The following ANK3 variants were observed in gnomAD, a reference collection of about 807,000 sequenced individuals.
ANK3 encodes the protein ankyrin 3.
Under a neutral mutation model 370.9 loss-of-function variants are expected in ANK3, and 57 were observed. The ratio of observed to expected loss-of-function variants is 0.15; its 90% CI spans 0.12 to 0.19. The LOEUF is 0.19. Ranked by LOEUF, ANK3 falls within the 10% of genes least tolerant of loss-of-function variation. The pLI, the probability that ANK3 is intolerant of heterozygous loss-of-function variation, is 1.00. For synonymous variants in ANK3, 1,929 were observed against 1,946.3 expected (o/e 0.99, Z 0.23); for missense variants, 4,439 against 5,302.1 (o/e 0.84, Z 5.06).
intron 24 of ANK3, among the ~76,000 whole-genome samples, chr10:60,137,964 G>A (rs2094426353): frequency 6.6e-6 from 1 of 151,912 alleles, no homozygotes; most frequent in Admixed American, 6.6e-5. Flanking sequence ...TCCTCTTCCT[G>A]TTAATGACAC....
chr10:60,104,357 C>CAAAAAAA (rs747064489), intron 28 of ANK3, among the ~76,000 whole-genome samples: 12 of 53,756 alleles, frequency 2.2e-4, no homozygotes, highest in Admixed American at 3.1e-4. Context: ...GACTCCATCT[C>CAAAAAAA]AAAAAAAAAA....
Position 60,647,683 on chromosome 10 carries a change from A to G in ANK3, c.58-32459T>C, listed in dbSNP as rs535023491. Among the ~76,000 whole-genome samples the G allele has an allele frequency of 3.9e-5, 6 of 152,230 alleles. No individual in the cohort carries two copies. In the East Asian group the frequency reaches 9.6e-4, roughly 24 times the overall value. On this transcript the variant is annotated intron_variant, in intron 1 of 43. Transcript: ENST00000373827. ...ACCTGGAAAAGGGAGGACAAATTCT[A>G]TCTATAATGCTGTTCATAGATATCA...
At chr10:60,210,815 G>A (rs1413070860) in intron 9 of ANK3, among the ~76,000 whole-genome samples, 1 of 152,122 alleles carries the variant, frequency 6.6e-6, no homozygotes, top group Middle Eastern at 3.2e-3. Context: ...TGAAGAGAGA[G>A]GCTGAAACCT....
At chr10:60,057,192 T>A (rs1157866508) in intron 41 of ANK3, among the ~76,000 whole-genome samples, 1 of 152,222 alleles carries the variant, frequency 6.6e-6, no homozygotes, top group Non-Finnish European at 1.5e-5. Context: ...ACTAGTGATT[T>A]GAGGGTTGCA....
chr10:60,597,304 G>A (rs2078001338), intron 2 of ANK3, among the ~76,000 whole-genome samples: 1 of 152,040 alleles, frequency 6.6e-6, no homozygotes. Context: ...CAAATGAGAT[G>A]GGAAGCAAAT....
At chr10:60,143,272 T>A (rs1013234889) in intron 23 of ANK3, among the ~76,000 whole-genome samples, 3 of 152,156 alleles carry the variant, frequency 2.0e-5, no homozygotes, top group Non-Finnish European at 4.4e-5. Flanking sequence ...TTCACACTCC[T>A]TTCAATGAAC....
intron 8 of ANK3, among the ~76,000 whole-genome samples, chr10:60,233,160 C>G (rs2097273719): frequency 1.3e-5 from 2 of 152,202 alleles, no homozygotes; most frequent in East Asian, 3.9e-4. Context: ...GAATTTATTT[C>G]TGCCCTACTT....
rs759985353 is a variant in ANK3, at chr10:60,082,115, T to G, written c.4350+35A>C. The G allele has an allele frequency of 1.0e-5, 16 of 1,560,392 alleles. No individual in the cohort carries two copies. The East Asian group carries it at 3.1e-4, about 31-fold the overall frequency. ...CATACAGATTCAATTTCTATTCTAC[T>G]TCTGATAGAATAAAAGCAGAAGTGT... is the stretch of plus-strand genomic sequence containing the variant. On this transcript the variant is annotated intron_variant, in intron 35 of 43. Coordinates refer to ENST00000280772, the MANE Select transcript of ANK3 (RefSeq NM_020987.5).
intron 1 of ANK3, among the ~76,000 whole-genome samples, chr10:60,379,711 A>G (rs1448598630): frequency 6.6e-6 from 1 of 152,118 alleles, no homozygotes; most frequent in Non-Finnish European, 1.5e-5. Context: ...TAGAGGCTGG[A>G]AAGGTAGGGG....
At chr10:60,337,296 C>T (rs537971969) in intron 1 of ANK3, among the ~76,000 whole-genome samples, 7 of 152,268 alleles carry the variant, frequency 4.6e-5, no homozygotes, top group Middle Eastern at 3.4e-3. Context: ...AGTTCCATGT[C>T]TTCCATGTAG....
intron 7 of ANK3, among the ~76,000 whole-genome samples, chr10:60,243,968 T>G (rs1370403072): frequency 6.6e-6 from 1 of 152,218 alleles, no homozygotes; most frequent in Non-Finnish European, 1.5e-5. Flanking sequence ...TTTAAAATGA[T>G]AGACATATGT....
chr10:60,656,552 G>T lies in ANK3; in HGVS notation c.58-41328C>A, dbSNP rs554720527. On this transcript the variant is annotated intron_variant, in intron 1 of 43. Transcript: ENST00000373827. ...ATTTCCTTCCCTCTGGTTGCTTAGG[G>T]TTTACTTTGTTTTTCCTTTTCTAGT... 5.3e-5 allele frequency among the ~76,000 whole-genome samples: 8 copies of T among 151,970 alleles called. 1 individual carries two copies. Among genetic ancestry groups the T allele is most frequent in the African/African-American group, 1.7e-4 (7 of 41,462 alleles).
chr10:60,303,799 C>A (rs1406665567), intron 1 of ANK3, among the ~76,000 whole-genome samples: 2 of 151,898 alleles, frequency 1.3e-5, no homozygotes, highest in Non-Finnish European at 2.9e-5. Context: ...GTGTTTGGTG[C>A]AGCATTATTC....
chr10:60,218,097 C>CTTTTTTTTTTTT (rs199989242), intron 8 of ANK3, among the ~76,000 whole-genome samples: 17 of 126,136 alleles, frequency 1.3e-4, no homozygotes, highest in African/African-American at 3.2e-4. Context: ...CTTTTTCTTT[C>CTTTTTTTTTTTT]TTTTTTTTTT....
At chr10:60,316,849 G>A (rs2132871938) in intron 1 of ANK3, among the ~76,000 whole-genome samples, 1 of 151,920 alleles carries the variant, frequency 6.6e-6, no homozygotes, top group Middle Eastern at 3.4e-3. Context: ...CCAGGTTCAC[G>A]CCATTCTCCT....
intron 1 of ANK3, among the ~76,000 whole-genome samples, chr10:60,679,595 C>T (rs2079168127): frequency 6.6e-6 from 1 of 152,132 alleles, no homozygotes; most frequent in African/African-American, 2.4e-5. Context: ...GTTTGGTAAA[C>T]ACACTGCACA....
chr10:60,172,223 GA>G, intron 21 of ANK3, 84 bp downstream of exon 21: 1 of 1,064,570 alleles, frequency 9.4e-7, no homozygotes, highest in East Asian at 2.4e-5. Context: ...TTATGAATGG[GA>G]AAAAATATTC....
rs1213654480 is a variant in ANK3 at position 60,410,528 on chromosome 10, G to A, written c.97-130889C>T. On this transcript the variant is annotated intron_variant, in intron 2 of 43. Transcript: ENST00000373827. Reference sequence around the variant, plus strand: ...GAACATTCATTCTTACCAAACTTTGGTTGGTGTAGCAGAGACTGGCTAGAT... The same window carrying A: ...GAACATTCATTCTTACCAAACTTTGATTGGTGTAGCAGAGACTGGCTAGAT... Among the ~76,000 whole-genome samples, 3 of 152,204 alleles carry A rather than the reference G, an allele frequency of 2.0e-5. No individual in the cohort carries two copies. The East Asian group carries it at 5.8e-4, about 29-fold the overall frequency.
chr10:60,423,514 T>C (rs1322475001), intron 2 of ANK3, among the ~76,000 whole-genome samples: 1 of 151,914 alleles, frequency 6.6e-6, no homozygotes, highest in Non-Finnish European at 1.5e-5. Flanking sequence ...ACATCTAGAA[T>C]AGTATCTGTG....
Sources: allele counts gnomAD v4.1 joint callset (sites outside exome capture counted in the v4.1 genomes callset), GRCh38; gene constraint gnomAD v4.1.1; transcripts MANE v1.5; gene names NCBI Gene and HGNC (gene_info 2026-07-23, HGNC 2026-07-21).